The following GSG1L variants were observed in gnomAD, a reference collection of about 807,000 sequenced individuals.
GSG1L encodes germ cell-specific gene 1-like protein.
GSG1L carries 24 observed loss-of-function variants against 42.1 expected under a neutral mutation model. That is an observed-to-expected ratio of 0.57 (90% CI 0.41 to 0.80). The LOEUF (loss-of-function observed/expected upper bound fraction) is 0.80, where lower values mean the gene tolerates loss of function less well. Ranked by LOEUF, GSG1L falls within the 30% of genes least tolerant of loss-of-function variation. The pLI is 0.00. For synonymous variants in GSG1L, 215 were observed against 203.5 expected (o/e 1.06, Z -0.48); for missense variants, 445 against 472.2 (o/e 0.94, Z 0.53).
At chr16:27,878,371 G>T (rs2083912946) in intron 3 of GSG1L, among the ~76,000 whole-genome samples, 1 of 152,166 alleles carries the variant, frequency 6.6e-6, no homozygotes, top group Non-Finnish European at 1.5e-5. Context: ...GAGAGAGAAT[G>T]AGTATTGAGC....
rs1482304295 is a variant in GSG1L, at chr16:28,059,640, CCT to C, written c.349+3434_349+3435del. Among the ~76,000 whole-genome samples, 4 of 152,226 alleles carry C rather than the reference CCT, an allele frequency of 2.6e-5. No individual in the cohort carries two copies. The East Asian group carries it at 7.7e-4, about 29-fold the overall frequency. On this transcript the variant is annotated intron_variant, in intron 1 of 6. Coordinates refer to ENST00000447459, the MANE Select transcript of GSG1L (RefSeq NM_001109763.2). This position sits in a 1 kb window ranked among gnomAD's most constrained non-coding sequence, Gnocchi z 4.4. Reference sequence around the variant, plus strand: ...GACCTTCATTCTCCCCTCCTCCAGGCCTCTCCTCAGCCACCCCCACCACACTG... The same window carrying C: ...GACCTTCATTCTCCCCTCCTCCAGGCCTCCTCAGCCACCCCCACCACACTG...
At chr16:27,954,830 T>A (rs1398410566) in intron 2 of GSG1L, among the ~76,000 whole-genome samples, 1 of 152,164 alleles carries the variant, frequency 6.6e-6, no homozygotes, top group African/African-American at 2.4e-5. Flanking sequence ...ATTTTATTTT[T>A]AAATTTTTCA....
chr16:27,792,943 T>C (rs919169420), intron 6 of GSG1L, among the ~76,000 whole-genome samples: 1 of 152,248 alleles, frequency 6.6e-6, no homozygotes, highest in African/African-American at 2.4e-5. Flanking sequence ...AAGTCACAGC[T>C]ATGATAGAGC....
intron 1 of GSG1L, among the ~76,000 whole-genome samples, chr16:28,054,755 C>T (rs1420733531): frequency 6.6e-6 from 1 of 152,026 alleles, no homozygotes; most frequent in Non-Finnish European, 1.5e-5. Context: ...CTAGAAGTTG[C>T]AAATTGACGG....
rs112807626 is a variant in GSG1L, at chr16:28,029,569, G to A, written c.349+33507C>T. On this transcript the variant is annotated intron_variant, in intron 1 of 6. Transcript: ENST00000447459. ...GATGGATGGATGGATGGATGCATGG[G>A]TGGATGGATGGATGCATGGGTGGAT... is the stretch of plus-strand genomic sequence containing the variant. Among the ~76,000 whole-genome samples the A allele has an allele frequency of 5.7e-5, 5 of 87,772 alleles. No individual in the cohort carries two copies. The South Asian group carries it at 3.0e-3, about 52-fold the overall frequency. 57.6% of individuals were successfully genotyped at this position (87,772 alleles called of 152,430 possible). A position where few individuals can be genotyped will look rare whatever the true frequency, so the allele number is the denominator to read the frequency against.
intron 1 of GSG1L, among the ~76,000 whole-genome samples, chr16:27,991,701 G>A (rs914989506): frequency 6.6e-6 from 1 of 152,040 alleles, no homozygotes; most frequent in African/African-American, 2.4e-5. Flanking sequence ...CACCGTGCCT[G>A]GCCCATATTT....
chr16:27,823,741 C>T (rs2083174932), intron 5 of GSG1L: 2 of 652,274 alleles, frequency 3.1e-6, no homozygotes, highest in Admixed American at 4.4e-5. Context: ...TCCCTTTACT[C>T]TCATTGTGTG....
At chr16:27,976,445 A>G (rs1460432719) in intron 1 of GSG1L, among the ~76,000 whole-genome samples, 1 of 152,230 alleles carries the variant, frequency 6.6e-6, no homozygotes, top group East Asian at 1.9e-4. Flanking sequence ...AGCAATTAAT[A>G]GTACTTCATA....
intron 1 of GSG1L, among the ~76,000 whole-genome samples, chr16:28,019,984 C>T: frequency 6.6e-6 from 1 of 152,222 alleles, no homozygotes; most frequent in Non-Finnish European, 1.5e-5. Flanking sequence ...CCTGTCTCGC[C>T]TTGTAGGCAC....
intron 3 of GSG1L, among the ~76,000 whole-genome samples, chr16:27,877,389 G>A (rs995319912): frequency 2.6e-5 from 4 of 152,056 alleles, no homozygotes; most frequent in African/African-American, 9.7e-5. Context: ...GACAGTAATG[G>A]TATAAAGACA....
chr16:27,919,007 T>C (rs2084493123), intron 2 of GSG1L, among the ~76,000 whole-genome samples: 1 of 152,102 alleles, frequency 6.6e-6, no homozygotes, highest in South Asian at 2.1e-4. Context: ...CACACAGCTG[T>C]CCAGGCAGGC....
chr16:27,991,638 C>T (rs970719725), intron 1 of GSG1L, among the ~76,000 whole-genome samples: 3 of 152,084 alleles, frequency 2.0e-5, no homozygotes, highest in African/African-American at 7.2e-5. Context: ...CTCCTGACCT[C>T]AGGTGATCCA....
chr16:27,996,477 G>A (rs184643566), intron 1 of GSG1L, among the ~76,000 whole-genome samples: 1 of 151,466 alleles, frequency 6.6e-6, no homozygotes, highest in African/African-American at 2.4e-5. Flanking sequence ...TCAACTTATG[G>A]AAGGATCATG....
chr16:27,874,441 CTTTTTTTTTTTTTTTTT>C (rs71140916), intron 3 of GSG1L, among the ~76,000 whole-genome samples: 46,330 of 96,734 alleles, frequency 0.48, 9,076 homozygotes, highest in South Asian at 0.59. Context: ...ACAGGAGAGC[CTTTTTTTTTTTTTTTTT>C]TTTTTTTTTT....
At chr16:27,852,080 A>G (rs897871681) in intron 3 of GSG1L, among the ~76,000 whole-genome samples, 1 of 152,230 alleles carries the variant, frequency 6.6e-6, no homozygotes, top group Non-Finnish European at 1.5e-5. Flanking sequence ...GATACCAGGG[A>G]GGTAGCTGAT....
At chr16:27,979,131 C>T (rs531273033) in intron 1 of GSG1L, among the ~76,000 whole-genome samples, 4 of 152,088 alleles carry the variant, frequency 2.6e-5, no homozygotes, top group Non-Finnish European at 4.4e-5. Flanking sequence ...GAAATCAGAG[C>T]GCCTTCCATC....
intron 5 of GSG1L, among the ~76,000 whole-genome samples, chr16:27,816,359 C>T (rs2083093970): frequency 1.3e-5 from 2 of 152,198 alleles, no homozygotes; most frequent in African/African-American, 4.8e-5. Flanking sequence ...CGGCACTGCC[C>T]TTTGCCCCAG....
At chr16:27,923,291 C>T (rs2084548077) in intron 2 of GSG1L, among the ~76,000 whole-genome samples, 1 of 152,162 alleles carries the variant, frequency 6.6e-6, no homozygotes, top group South Asian at 2.1e-4. Flanking sequence ...CTGTTCTGCC[C>T]CTGTACCCCG....
intron 4 of GSG1L, among the ~76,000 whole-genome samples, chr16:27,843,715 G>A (rs2083413238): frequency 1.3e-5 from 2 of 152,076 alleles, no homozygotes. Flanking sequence ...CTTTGTGGTA[G>A]CTCACTCAGC....
Sources: allele counts gnomAD v4.1 joint callset (sites outside exome capture counted in the v4.1 genomes callset), GRCh38; gene constraint gnomAD v4.1.1; non-coding constraint Gnocchi (gnomAD v3.1); transcripts MANE v1.5; gene names NCBI Gene and HGNC (gene_info 2026-07-23, HGNC 2026-07-21).